SORCS2: variants seen among roughly 807,000 people sequenced by gnomAD.
SORCS2 encodes the protein VPS10 domain-containing receptor SorCS2.
Under a neutral mutation model 141.6 loss-of-function variants are expected in SORCS2, and 100 were observed. The observed-to-expected ratio is 0.71, with a 90% CI of 0.60 to 0.83. The LOEUF is 0.83. SORCS2 is among the 40% of genes least tolerant of loss of function. SORCS2 has a pLI of 0.00. For synonymous variants in SORCS2, 789 were observed against 676.9 expected (o/e 1.17, Z -2.57); for missense variants, 1,646 against 1,560.2 (o/e 1.05, Z -0.93).
chr4:7,705,328 C>T (rs1175138225), intron 14 of SORCS2, among the ~76,000 whole-genome samples: 2 of 152,172 alleles, frequency 1.3e-5, no homozygotes, highest in African/African-American at 4.8e-5. Context: ...AGCCTTCTGG[C>T]CTCCAGAGCG....
chr4:7,608,149 C>T lies in SORCS2; in HGVS notation c.649-30179C>T, dbSNP rs114240885. ...GGCACACGCAGTTGTCCCACCAGAGCAGGAGTGTGGGTATTTACACACCAG... is the reference window on the plus strand; with the variant it reads ...GGCACACGCAGTTGTCCCACCAGAGTAGGAGTGTGGGTATTTACACACCAG... On this transcript the variant is annotated intron_variant, in intron 3 of 26. Transcript: ENST00000507866. 2.4e-3 allele frequency among the ~76,000 whole-genome samples: 361 copies of T among 152,304 alleles called. 1 individual carries two copies. Among genetic ancestry groups the T allele is most frequent in the African/African-American group, 8.1e-3 (336 of 41,572 alleles).
chr4:7,714,479 A>G (rs1726055726), intron 16 of SORCS2, 106 bp downstream of exon 16: 1 of 1,278,660 alleles, frequency 7.8e-7, no homozygotes, highest in Non-Finnish European at 1.1e-6. Context: ...AGCGCCTTTT[A>G]TAACCTGGTG....
intron 1 of SORCS2, among the ~76,000 whole-genome samples, chr4:7,301,682 C>T (rs1241339008): frequency 2.0e-5 from 3 of 152,224 alleles, no homozygotes; most frequent in Non-Finnish European, 2.9e-5. Flanking sequence ...TGTCGTGAAT[C>T]TTTGTGGCCC....
chr4:7,730,385 C>T (rs576304448), intron 23 of SORCS2, among the ~76,000 whole-genome samples: 48 of 152,188 alleles, frequency 3.2e-4, no homozygotes, highest in Non-Finnish European at 5.0e-4. Flanking sequence ...ACCTAAGTTA[C>T]CGCATGACCC....
At chr4:7,696,114 C>A (rs1277577460) in intron 11 of SORCS2, among the ~76,000 whole-genome samples, 1 of 152,146 alleles carries the variant, frequency 6.6e-6, no homozygotes, top group Admixed American at 6.5e-5. Context: ...GAGGACAATC[C>A]ATCTTCTTTG....
chr4:7,715,391 C>T, intron 17 of SORCS2, 80 bp downstream of exon 17: 1 of 1,567,634 alleles, frequency 6.4e-7, no homozygotes, highest in Non-Finnish European at 8.7e-7. Flanking sequence ...GCCTTCCTGG[C>T]TGGTGCCTGC....
chr4:7,661,591 G>C (rs1560464620), intron 6 of SORCS2, 27 bp downstream of exon 6: 1 of 1,550,214 alleles, frequency 6.5e-7, no homozygotes, highest in Non-Finnish European at 8.7e-7. Flanking sequence ...ACAGGCACCG[G>C]GTATCCCTGA....
At chr4:7,269,054 C>T (rs78013835) in intron 1 of SORCS2, among the ~76,000 whole-genome samples, 7,542 of 152,130 alleles carry the variant, frequency 0.05, 634 homozygotes, top group African/African-American at 0.17. Context: ...TTGAGGTTGA[C>T]GGGAGTAGGT....
chr4:7,457,407 C>G (rs1472486902), intron 2 of SORCS2, among the ~76,000 whole-genome samples: 1 of 152,252 alleles, frequency 6.6e-6, no homozygotes, highest in Admixed American at 6.5e-5. Context: ...CCCCAGTGAA[C>G]ATCGCAAGCT....
At chr4:7,429,281 G>A (rs1440972507) in intron 2 of SORCS2, among the ~76,000 whole-genome samples, 2 of 152,172 alleles carry the variant, frequency 1.3e-5, no homozygotes, top group African/African-American at 4.8e-5. Flanking sequence ...CCAGCTCCCC[G>A]GAGATGTGGC....
At chr4:7,574,613 GAGGA>G (rs925079580) in intron 3 of SORCS2, among the ~76,000 whole-genome samples, 5 of 151,798 alleles carry the variant, frequency 3.3e-5, no homozygotes, top group Non-Finnish European at 7.4e-5. Context: ...GGCAAGGAGG[GAGGA>G]AGGAAGGAAG....
intron 3 of SORCS2, among the ~76,000 whole-genome samples, chr4:7,606,192 A>G (rs528093976): frequency 1.5e-4 from 23 of 151,934 alleles, no homozygotes; most frequent in Non-Finnish European, 3.1e-4. Context: ...TTACCTGACA[A>G]CTCTTTGAAG....
chr4:7,489,457 A>G (rs1731189084), intron 2 of SORCS2, among the ~76,000 whole-genome samples: 1 of 150,446 alleles, frequency 6.6e-6, no homozygotes, highest in African/African-American at 2.4e-5. Context: ...TACAATTTCA[A>G]AGGATCTCTT....
chr4:7,600,290 C>T (rs954982678), intron 3 of SORCS2, among the ~76,000 whole-genome samples: 2 of 152,160 alleles, frequency 1.3e-5, no homozygotes, highest in Admixed American at 1.3e-4. Context: ...GTCAGTTGTC[C>T]AAAATGGGTG....
At chr4:7,416,875 GACAC>G (rs566237323) in intron 2 of SORCS2, among the ~76,000 whole-genome samples, 1 of 151,416 alleles carries the variant, frequency 6.6e-6, no homozygotes, top group Admixed American at 6.6e-5. Flanking sequence ...TGCATGCTCA[GACAC>G]ACACATATGC....
chr4:7,610,901 G>T (rs527469420), intron 3 of SORCS2, among the ~76,000 whole-genome samples: 85 of 152,250 alleles, frequency 5.6e-4, no homozygotes, highest in African/African-American at 1.9e-3. Context: ...CCCCGTGATG[G>T]GCAGGTCTTG....
At position 7,299,257 on chromosome 4, in the gene SORCS2, C is replaced by T. The variant is rs189735818; in HGVS notation, c.481-97031C>T. ...CGAGGCTGTGAGCGGGTGTGGAATG[C>T]GTCTGAGTGGATGGCGGGCTGTGCC... is the stretch of plus-strand genomic sequence containing the variant. On this transcript the variant is annotated intron_variant, in intron 1 of 26. Coordinates refer to ENST00000507866, the MANE Select transcript of SORCS2 (RefSeq NM_020777.3). Among the ~76,000 whole-genome samples the T allele has an allele frequency of 9.4e-3, 1,430 of 152,364 alleles. 11 individuals are homozygous for T. The highest frequency in any genetic ancestry group is 0.016 in the Non-Finnish European group (1,067 of 68,038).
chr4:7,647,265 A>G (rs1381806385), intron 4 of SORCS2, among the ~76,000 whole-genome samples: 5 of 152,178 alleles, frequency 3.3e-5, no homozygotes, highest in African/African-American at 1.2e-4. Flanking sequence ...CTTCTTTAAG[A>G]CAATTTAGCA....
At chr4:7,265,776 C>T (rs961553155) in intron 1 of SORCS2, among the ~76,000 whole-genome samples, 6 of 152,164 alleles carry the variant, frequency 3.9e-5, no homozygotes, top group Non-Finnish European at 5.9e-5. Context: ...AATGAGGCCA[C>T]GTTCGCAGGG....
Sources: allele counts gnomAD v4.1 joint callset (sites outside exome capture counted in the v4.1 genomes callset), GRCh38; gene constraint gnomAD v4.1.1; transcripts MANE v1.5; gene names NCBI Gene and HGNC (gene_info 2026-07-23, HGNC 2026-07-21).